Variants in USP12 observed in about 807,000 individuals in gnomAD.
USP12 encodes the protein ubiquitin carboxyl-terminal hydrolase 12.
Under a neutral mutation model 45.5 loss-of-function variants are expected in USP12, and 19 were observed. That is an observed-to-expected ratio of 0.42 (90% CI 0.29 to 0.61). USP12 has a LOEUF of 0.61. Among genes scored for constraint, USP12 ranks in the 20% least tolerant of loss-of-function variants. The probability of loss-of-function intolerance (pLI) is 0.22; values close to 1 mark genes in which losing one functional copy is unlikely to be tolerated. For missense variants in USP12, 242 were observed against 447.7 expected (o/e 0.54, Z 4.15); for synonymous variants, 149 against 148.8 (o/e 1.00, Z -0.01).
chr13:27,137,116 T>G (rs1466328845), intron 1 of USP12, among the ~76,000 whole-genome samples: 1 of 152,240 alleles, frequency 6.6e-6, no homozygotes, highest in African/African-American at 2.4e-5. Context: ...GAGACACCCC[T>G]TCACATTAGG....
chr13:27,138,551 G>C (rs140287812), intron 1 of USP12, among the ~76,000 whole-genome samples: 1 of 152,270 alleles, frequency 6.6e-6, no homozygotes, highest in East Asian at 1.9e-4. Flanking sequence ...CACTGGAGAG[G>C]TTAGATAAGC....
intron 1 of USP12, among the ~76,000 whole-genome samples, chr13:27,128,820 T>C (rs1303808772): frequency 6.6e-6 from 1 of 152,226 alleles, no homozygotes; most frequent in Admixed American, 6.5e-5. Context: ...TATAAAAACA[T>C]GAACGCTTCT....
chr13:27,139,710 C>A (rs1264340317), intron 1 of USP12, among the ~76,000 whole-genome samples: 3 of 152,188 alleles, frequency 2.0e-5, no homozygotes, highest in Admixed American at 2.0e-4. Context: ...ACCCTAAATT[C>A]TTTCATGTAC....
At chr13:27,148,432 T>C (rs1877407062) in intron 1 of USP12, among the ~76,000 whole-genome samples, 1 of 151,710 alleles carries the variant, frequency 6.6e-6, no homozygotes, top group Non-Finnish European at 1.5e-5. Flanking sequence ...TGCCAGCACT[T>C]TGGGAGGCCG....
At chr13:27,072,320 G>A (rs1873282199) in intron 7 of USP12, among the ~76,000 whole-genome samples, 2 of 152,120 alleles carry the variant, frequency 1.3e-5, no homozygotes, top group Admixed American at 6.5e-5. Context: ...GGAGGTGGGT[G>A]GGGTAAGGAC....
chr13:27,150,819 TTTA>T (rs748840895), intron 1 of USP12, among the ~76,000 whole-genome samples: 1 of 152,152 alleles, frequency 6.6e-6, no homozygotes, highest in Non-Finnish European at 1.5e-5. Flanking sequence ...GAATAGTCTT[TTTA>T]ACAACTGGCG....
At position 27,076,029 on chromosome 13, in the gene USP12, C is replaced by CAAAAAAAAAAAAAA. The variant is rs11458818; in HGVS notation, c.735-655_735-642dup. On this transcript the variant is annotated intron_variant, in intron 6 of 8. Transcript: ENST00000282344. Reference sequence around the variant, plus strand: ...TGGGTGACAGAGCAAGGCTCCGTCTCAAAAAAAAAAAAAAAAAAGAGTGGT... The same window carrying CAAAAAAAAAAAAAA: ...TGGGTGACAGAGCAAGGCTCCGTCTCAAAAAAAAAAAAAAAAAAAAAAAAAAAAAAAAGAGTGGT... Among the ~76,000 whole-genome samples, 357 of 97,900 alleles carry CAAAAAAAAAAAAAA rather than the reference C, an allele frequency of 3.6e-3. 4 individuals are homozygous for CAAAAAAAAAAAAAA. The highest frequency in any genetic ancestry group is 5.7e-3 in the Middle Eastern group (1 of 174). The allele number at this position is 97,900 out of a possible 152,430, so 64.2% of individuals were successfully genotyped here. A position where few individuals can be genotyped will look rare whatever the true frequency, so the allele number is the denominator to read the frequency against.
At chr13:27,101,792 T>A (rs1446392251) in intron 3 of USP12, among the ~76,000 whole-genome samples, 1 of 152,124 alleles carries the variant, frequency 6.6e-6, no homozygotes, top group Admixed American at 6.5e-5. Flanking sequence ...ACATAAGAAA[T>A]TATTTACTCA....
At chr13:27,087,707 A>G (rs940166689) in intron 6 of USP12, among the ~76,000 whole-genome samples, 1 of 152,234 alleles carries the variant, frequency 6.6e-6, no homozygotes, top group African/African-American at 2.4e-5. Context: ...GGGGCAAAGA[A>G]AGAGCAAAAT....
intron 6 of USP12, among the ~76,000 whole-genome samples, chr13:27,088,539 ATTGT>A (rs1266385055): frequency 3.3e-5 from 5 of 152,132 alleles, no homozygotes; most frequent in Admixed American, 3.3e-4. Flanking sequence ...CTGTGCCTAA[ATTGT>A]TTGAACAAAC....
At chr13:27,075,988 C>G (rs998283346) in intron 6 of USP12, among the ~76,000 whole-genome samples, 4 of 146,890 alleles carry the variant, frequency 2.7e-5, no homozygotes, top group African/African-American at 1.0e-4. Flanking sequence ...TGAGATCACG[C>G]CACTGCACTC....
At chr13:27,106,634 G>C (rs1159265843) in intron 2 of USP12, among the ~76,000 whole-genome samples, 1 of 152,044 alleles carries the variant, frequency 6.6e-6, no homozygotes, top group Non-Finnish European at 1.5e-5. Context: ...TACAGTATTA[G>C]GTTAAAAAGG....
intron 1 of USP12, among the ~76,000 whole-genome samples, chr13:27,167,236 T>C (rs1264510345): frequency 1.3e-5 from 2 of 151,678 alleles, no homozygotes; most frequent in Non-Finnish European, 2.9e-5. Context: ...CACTCCAGCC[T>C]GGGCAACAAG....
At chr13:27,154,737 T>A (rs1371910951) in intron 1 of USP12, among the ~76,000 whole-genome samples, 1 of 152,168 alleles carries the variant, frequency 6.6e-6, no homozygotes, top group Non-Finnish European at 1.5e-5. Flanking sequence ...GAATTCAAGT[T>A]GCAGAAGGAA....
chr13:27,071,580 G>T (rs992299637), intron 7 of USP12, among the ~76,000 whole-genome samples: 3 of 151,974 alleles, frequency 2.0e-5, no homozygotes, highest in African/African-American at 7.2e-5. Flanking sequence ...TTTTTCTTGA[G>T]GAAAGATCCA....
chr13:27,069,240 AG>A lies in USP12; in HGVS notation c.*42del, dbSNP rs1179780641. ...GCTTGATCCTTTCCAAAATAACCAGAGAAGAAATGAGGCAGAAAGTGTCTCT... is the reference window on the plus strand; with the variant it reads ...GCTTGATCCTTTCCAAAATAACCAGAAAGAAATGAGGCAGAAAGTGTCTCT... On this transcript the variant is annotated 3_prime_UTR_variant, in exon 9 of 9. Transcript: ENST00000282344. 3.3e-6 allele frequency: 5 copies of A among 1,511,022 alleles called. No individual in the cohort carries two copies. Among genetic ancestry groups the A allele is most frequent in the Non-Finnish European group, 3.7e-6 (4 of 1,089,556 alleles). The allele number at this position is 1,511,022 out of a possible 1,614,324, so 93.6% of individuals were successfully genotyped here. A position where few individuals can be genotyped will look rare whatever the true frequency, so the allele number is the denominator to read the frequency against.
At chr13:27,118,296 C>T (rs553368084) in intron 1 of USP12, among the ~76,000 whole-genome samples, 6 of 152,032 alleles carry the variant, frequency 3.9e-5, no homozygotes, top group Non-Finnish European at 7.4e-5. Context: ...CAAAACAAGA[C>T]GTTTCTTCTA....
intron 6 of USP12, among the ~76,000 whole-genome samples, chr13:27,086,197 A>ATATATATAT (rs869248837): frequency 3.5e-5 from 2 of 56,936 alleles, no homozygotes; most frequent in South Asian, 7.4e-4. Flanking sequence ...AAAAAAAAAA[A>ATATATATAT]ATATATATAT....
chr13:27,149,302 C>A (rs1044061678), intron 1 of USP12, among the ~76,000 whole-genome samples: 1 of 152,162 alleles, frequency 6.6e-6, no homozygotes, highest in Non-Finnish European at 1.5e-5. Context: ...AGCGAAAACA[C>A]TGGATGCTTT....
Sources: gnomAD v4.1 joint callset for allele counts (sites outside exome capture counted in the v4.1 genomes callset) on GRCh38, gnomAD v4.1.1 for gene constraint, MANE v1.5 for transcripts, NCBI Gene and HGNC (gene_info 2026-07-23, HGNC 2026-07-21) for gene names.